TENM3: variants seen among roughly 807,000 people sequenced by gnomAD.
TENM3 encodes teneurin transmembrane protein 3.
In TENM3, 63 loss-of-function variants were observed where a neutral mutation model predicts 255.1. The ratio of observed to expected loss-of-function variants is 0.25; its 90% CI spans 0.20 to 0.30. The LOEUF (loss-of-function observed/expected upper bound fraction) is 0.30, where lower values mean the gene tolerates loss of function less well. TENM3 is among the 10% of genes least tolerant of loss of function. TENM3 has a pLI of 1.00. For synonymous variants in TENM3, 1,306 were observed against 1,322.3 expected, an observed-to-expected ratio of 0.99 and a Z score of 0.27; for missense variants, 2,929 against 3,461.1, an observed-to-expected ratio of 0.85 and a Z score of 3.86.
the TENM3 span, among the ~76,000 whole-genome samples, chr4:181,466,859 C>T: frequency 6.6e-6 from 1 of 151,674 alleles, no homozygotes; most frequent in African/African-American, 2.4e-5. Flanking sequence ...TGTAAAAATG[C>T]TTAACATTAA....
rs558469840 is a variant in TENM3, at chr4:182,177,445, G to A, written c.-76+32691G>A. 2.6e-5 allele frequency among the ~76,000 whole-genome samples: 4 copies of A among 152,050 alleles called. No homozygotes were observed. In the South Asian group the frequency reaches 8.3e-4, roughly 32 times the overall value. On this transcript the variant is annotated intron_variant, in intron 1 of 2. Coordinates refer to the TENM3 transcript ENST00000512480. ...GGCCCTGGCTCTACCCGCTGCCCTT[G>A]GTCTTCAGCCAGCCTGATGCTCCTG...
At chr4:182,058,544 C>T in the TENM3 span, among the ~76,000 whole-genome samples, 1 of 148,058 alleles carries the variant, frequency 6.8e-6, no homozygotes, top group Non-Finnish European at 1.5e-5. Flanking sequence ...TTATCTAGAA[C>T]ATAAAGTTCA....
the TENM3 span, among the ~76,000 whole-genome samples, chr4:181,782,237 A>G: frequency 6.6e-6 from 1 of 151,998 alleles, no homozygotes; most frequent in East Asian, 1.9e-4. Context: ...TTGGCTGTGA[A>G]TCCGTCTGGC....
chr4:182,339,700 C>G (rs1448266551), intron 2 of TENM3, among the ~76,000 whole-genome samples: 1 of 152,160 alleles, frequency 6.6e-6, no homozygotes, highest in Non-Finnish European at 1.5e-5. Flanking sequence ...GTGTGACTCA[C>G]CGCGGTGCTG....
chr4:182,551,239 A>C (rs1030341486), intron 3 of TENM3, among the ~76,000 whole-genome samples: 3 of 151,460 alleles, frequency 2.0e-5, no homozygotes, highest in Non-Finnish European at 4.4e-5. Flanking sequence ...AAAAAAAAAA[A>C]ACCTTATATG....
At chr4:181,455,378 G>T in the TENM3 span, among the ~76,000 whole-genome samples, 4 of 152,058 alleles carry the variant, frequency 2.6e-5, no homozygotes, top group African/African-American at 9.7e-5. Flanking sequence ...CCCACATGAT[G>T]CCATGGAGCA....
At chr4:182,737,210 C>G (rs1257138980) in intron 17 of TENM3, 135 bp downstream of exon 17, 4 of 952,948 alleles carry the variant, frequency 4.2e-6, no homozygotes, top group Non-Finnish European at 6.3e-6. Context: ...GATATTATAC[C>G]TTGGCTGGTT....
chr4:182,414,044 T>C (rs1475671524), intron 3 of TENM3, among the ~76,000 whole-genome samples: 1 of 152,252 alleles, frequency 6.6e-6, no homozygotes, highest in Non-Finnish European at 1.5e-5. Flanking sequence ...AACACCATAG[T>C]TGAAGATCTT....
chr4:182,517,272 TGTC>T (rs1459305331), intron 3 of TENM3, among the ~76,000 whole-genome samples: 1 of 152,104 alleles, frequency 6.6e-6, no homozygotes, highest in Admixed American at 6.6e-5. Flanking sequence ...GCTTCTGAAG[TGTC>T]GTGATTGTTG....
chr4:181,837,780 A>G, the TENM3 span, among the ~76,000 whole-genome samples: 12 of 152,076 alleles, frequency 7.9e-5, no homozygotes, highest in African/African-American at 2.9e-4. Flanking sequence ...TTTTGCCAGA[A>G]CTCCTTATAT....
the TENM3 span, among the ~76,000 whole-genome samples, chr4:182,064,789 C>G: frequency 6.6e-6 from 1 of 152,158 alleles, no homozygotes; most frequent in South Asian, 2.1e-4. Context: ...GGCATAGAAA[C>G]GAGGACACAA....
chr4:182,206,752 A>G (rs1754606609), intron 1 of TENM3, among the ~76,000 whole-genome samples: 1 of 152,154 alleles, frequency 6.6e-6, no homozygotes, highest in Non-Finnish European at 1.5e-5. Context: ...ACTCAATTTC[A>G]GATTATTTGC....
At chr4:182,498,494 G>A (rs2069342762) in intron 3 of TENM3, among the ~76,000 whole-genome samples, 1 of 151,922 alleles carries the variant, frequency 6.6e-6, no homozygotes, top group Admixed American at 6.6e-5. Context: ...GCAGTTTTGT[G>A]AACACTTTTC....
At chr4:182,231,384 G>A (rs1026042551) in intron 1 of TENM3, among the ~76,000 whole-genome samples, 1 of 152,076 alleles carries the variant, frequency 6.6e-6, no homozygotes, top group Non-Finnish European at 1.5e-5. Context: ...AACGCGTAGA[G>A]GTATTTATCT....
chr4:181,512,811 T>C, the TENM3 span, among the ~76,000 whole-genome samples: 2 of 152,242 alleles, frequency 1.3e-5, no homozygotes, highest in African/African-American at 4.8e-5. Context: ...TCCTATGTAA[T>C]GCATCAGGTG....
At chr4:181,968,851 T>A in the TENM3 span, among the ~76,000 whole-genome samples, 1 of 152,118 alleles carries the variant, frequency 6.6e-6, no homozygotes, top group Non-Finnish European at 1.5e-5. Context: ...TTTTAAAAAT[T>A]GGAGGAATCA....
At chr4:181,546,849 G>GT in the TENM3 span, among the ~76,000 whole-genome samples, 36 of 150,450 alleles carry the variant, frequency 2.4e-4, no homozygotes, top group African/African-American at 5.4e-4. Flanking sequence ...TTCTTTTTTT[G>GT]TTTTTTTGTT....
chr4:182,418,928 A>C (rs1017015528), intron 3 of TENM3, among the ~76,000 whole-genome samples: 1 of 152,156 alleles, frequency 6.6e-6, no homozygotes, highest in Non-Finnish European at 1.5e-5. Context: ...ACCTCTCAAC[A>C]GACCTCAGAT....
chr4:182,086,696 T>C, the TENM3 span, among the ~76,000 whole-genome samples: 1 of 152,200 alleles, frequency 6.6e-6, no homozygotes, highest in African/African-American at 2.4e-5. Context: ...GATGCAGTGG[T>C]AGGCTGCGGT....
Sources: gnomAD v4.1 joint callset for allele counts (sites outside exome capture counted in the v4.1 genomes callset) on GRCh38, gnomAD v4.1.1 for gene constraint, MANE v1.5 for transcripts, NCBI Gene and HGNC (gene_info 2026-07-23, HGNC 2026-07-21) for gene names.